Variants in HERC3 observed in about 807,000 individuals in gnomAD.
HERC3 encodes the protein probable E3 ubiquitin-protein ligase HERC3.
HERC3 carries 58 observed loss-of-function variants against 129.9 expected under a neutral mutation model. That is an observed-to-expected ratio of 0.45 (90% CI 0.36 to 0.56). HERC3 has a LOEUF of 0.56. Ranked by LOEUF, HERC3 falls within the 20% of genes least tolerant of loss-of-function variation. The pLI, the probability that HERC3 is intolerant of heterozygous loss-of-function variation, is 0.00. For synonymous variants in HERC3, 430 were observed against 451.0 expected (o/e 0.95, Z 0.59); for missense variants, 835 against 1,244.2 (o/e 0.67, Z 4.95).
the HERC3 span, among the ~76,000 whole-genome samples, chr4:88,528,322 A>G: frequency 2.6e-5 from 4 of 152,138 alleles, no homozygotes; most frequent in African/African-American, 9.7e-5. Flanking sequence ...GCCAGAAAAT[A>G]AGGTGTTGGC....
At chr4:88,670,945 CCT>C (rs767496166) in intron 16 of HERC3, among the ~76,000 whole-genome samples, 20 of 151,934 alleles carry the variant, frequency 1.3e-4, no homozygotes, top group Non-Finnish European at 5.9e-5. Flanking sequence ...CTTCTGACAG[CCT>C]ACTCCAGTCA....
chr4:88,560,783 A>T, the HERC3 span, among the ~76,000 whole-genome samples: 1 of 152,146 alleles, frequency 6.6e-6, no homozygotes, highest in Non-Finnish European at 1.5e-5. Context: ...ATAAGGGTCC[A>T]AATCCATTCT....
the HERC3 span, among the ~76,000 whole-genome samples, chr4:88,577,617 A>ATACATATATATGTATATATATATAC: frequency 1.3e-5 from 2 of 149,796 alleles, no homozygotes; most frequent in African/African-American, 5.1e-5. Context: ...ATATATATAT[A>ATACATATATATGTATATATATATAC]ATAGGTTTGT....
At chr4:88,668,244 A>G (rs1414401676) in intron 14 of HERC3, among the ~76,000 whole-genome samples, 163 bp downstream of exon 14, 1 of 152,140 alleles carries the variant, frequency 6.6e-6, no homozygotes, top group Admixed American at 6.6e-5. Context: ...AGCTAACCCT[A>G]TTTTCAAGTT....
intron 2 of HERC3, among the ~76,000 whole-genome samples, chr4:88,603,440 C>T (rs1425151561): frequency 6.6e-6 from 1 of 152,090 alleles, no homozygotes; most frequent in East Asian, 1.9e-4. Context: ...ACTCCTTCCT[C>T]AGGTGATCCA....
the HERC3 span, among the ~76,000 whole-genome samples, chr4:88,572,144 C>T: frequency 1.2e-4 from 18 of 152,332 alleles, no homozygotes; most frequent in African/African-American, 4.1e-4. Context: ...ACCAACCTTG[C>T]TGGGCACAGT....
chr4:88,660,271 G>A (rs1409994315), intron 10 of HERC3, among the ~76,000 whole-genome samples: 3 of 151,396 alleles, frequency 2.0e-5, no homozygotes, highest in Admixed American at 6.6e-5. Context: ...GCGTGATCCC[G>A]GCTCACTGCA....
At chr4:88,674,581 A>G (rs889571956) in intron 16 of HERC3, among the ~76,000 whole-genome samples, 32 of 152,224 alleles carry the variant, frequency 2.1e-4, no homozygotes, top group Non-Finnish European at 4.0e-4. Flanking sequence ...GAATATTGGC[A>G]CCAGTTTTAA....
intron 16 of HERC3, among the ~76,000 whole-genome samples, 198 bp downstream of exon 16, chr4:88,670,450 G>A (rs921533577): frequency 1.5e-4 from 23 of 152,162 alleles, no homozygotes; most frequent in African/African-American, 5.6e-4. Flanking sequence ...TAGTCACCCA[G>A]AATGTTACAC....
intron 3 of HERC3, among the ~76,000 whole-genome samples, chr4:88,620,832 T>C (rs1185159726): frequency 6.6e-6 from 1 of 152,188 alleles, no homozygotes; most frequent in Non-Finnish European, 1.5e-5. Flanking sequence ...TATGTTCCTC[T>C]GGTTCCTATA....
At chr4:88,619,124 C>A (rs1271813033) in intron 3 of HERC3, among the ~76,000 whole-genome samples, 1 of 152,204 alleles carries the variant, frequency 6.6e-6, no homozygotes, top group Non-Finnish European at 1.5e-5. Flanking sequence ...GGCTGGTCAT[C>A]CTGGCGAGGT....
chr4:88,558,967 CA>C, the HERC3 span, among the ~76,000 whole-genome samples: 29,739 of 111,722 alleles, frequency 0.27, 5,801 homozygotes, highest in African/African-American at 0.58. Flanking sequence ...GACTCTGTCT[CA>C]AAAAAAAAAA....
the HERC3 span, among the ~76,000 whole-genome samples, chr4:88,584,863 A>G: frequency 6.6e-6 from 1 of 152,240 alleles, no homozygotes; most frequent in Non-Finnish European, 1.5e-5. Flanking sequence ...AATGTTATCC[A>G]GTTAATTCAA....
At position 88,686,301 on chromosome 4, in the gene HERC3, G is replaced by A. The variant is rs571545365; in HGVS notation, c.2508-435G>A. On this transcript the variant is annotated intron_variant, in intron 21 of 25. Coordinates refer to ENST00000402738, the MANE Select transcript of HERC3 (RefSeq NM_014606.3). ...GTAAGCCACTAAGATTCCTGTGGAT[G>A]TGGTGACTTTGTGGCTTTTTAAATT... is the stretch of plus-strand genomic sequence containing the variant. Among the ~76,000 whole-genome samples the A allele has an allele frequency of 3.3e-5, 5 of 152,350 alleles. No homozygotes were observed. The East Asian group carries it at 9.6e-4, about 29-fold the overall frequency.
intron 23 of HERC3, among the ~76,000 whole-genome samples, chr4:88,694,998 C>T (rs910034535): frequency 6.6e-6 from 1 of 152,104 alleles, no homozygotes; most frequent in Non-Finnish European, 1.5e-5. Context: ...TTTCCCAATA[C>T]TTATGCCTCT....
intron 3 of HERC3, among the ~76,000 whole-genome samples, chr4:88,639,439 C>G (rs776047615): frequency 7.2e-5 from 11 of 152,126 alleles, no homozygotes; most frequent in Non-Finnish European, 1.6e-4. Context: ...TAACACACAT[C>G]TGCAACCATA....
At chr4:88,535,586 G>T in the HERC3 span, among the ~76,000 whole-genome samples, 1 of 152,174 alleles carries the variant, frequency 6.6e-6, no homozygotes, top group African/African-American at 2.4e-5. Context: ...GCTGAGGTCT[G>T]AAGTCATGAT....
intron 2 of HERC3, among the ~76,000 whole-genome samples, chr4:88,599,713 G>A (rs1195265715): frequency 6.6e-6 from 1 of 152,218 alleles, no homozygotes; most frequent in African/African-American, 2.4e-5. Context: ...TTCTATCCCT[G>A]TAGTAGAATC....
chr4:88,683,260 G>A (rs1227321724), intron 21 of HERC3, among the ~76,000 whole-genome samples: 1 of 152,090 alleles, frequency 6.6e-6, no homozygotes, highest in African/African-American at 2.4e-5. Context: ...TATATAAAAG[G>A]ACAACTTTAA....
Sources: allele counts gnomAD v4.1 joint callset (sites outside exome capture counted in the v4.1 genomes callset), GRCh38; gene constraint gnomAD v4.1.1; transcripts MANE v1.5; gene names NCBI Gene and HGNC (gene_info 2026-07-23, HGNC 2026-07-21).